ZBTB7C: variants seen among roughly 807,000 people sequenced by gnomAD.
The protein encoded by ZBTB7C is zinc finger and BTB domain containing 7C, also known as zinc finger and BTB domain-containing protein 7C.
In ZBTB7C, 8 loss-of-function variants were observed where a neutral mutation model predicts 25.7. The ratio of observed to expected loss-of-function variants is 0.31; its 90% CI spans 0.18 to 0.56. The LOEUF is 0.56. Ranked by LOEUF, ZBTB7C falls within the 20% of genes least tolerant of loss-of-function variation. ZBTB7C has a pLI of 0.91. For synonymous variants in ZBTB7C, 394 were observed against 369.0 expected (o/e 1.07, Z -0.78); for missense variants, 824 against 855.2 (o/e 0.96, Z 0.46).
intron 3 of ZBTB7C, among the ~76,000 whole-genome samples, chr18:48,059,934 G>A (rs764681249): frequency 3.3e-5 from 5 of 152,002 alleles, no homozygotes; most frequent in African/African-American, 4.8e-5. Context: ...ACCCTTCCCC[G>A]GCTTCTTCCT....
At chr18:48,120,114 A>T (rs1402357142) in intron 3 of ZBTB7C, among the ~76,000 whole-genome samples, 1 of 152,194 alleles carries the variant, frequency 6.6e-6, no homozygotes, top group Admixed American at 6.5e-5. Flanking sequence ...GACTAGCAAG[A>T]CCTTGGGCCA....
chr18:48,150,052 C>T (rs1039877920), intron 3 of ZBTB7C: 1 of 152,078 alleles, frequency 6.6e-6, no homozygotes, highest in African/African-American at 2.4e-5. Context: ...GATCCACCCG[C>T]CTCAGCCTCC....
intron 2 of ZBTB7C, among the ~76,000 whole-genome samples, chr18:48,246,280 G>A (rs374211040): frequency 2.6e-5 from 4 of 151,684 alleles, no homozygotes; most frequent in Admixed American, 1.3e-4. Context: ...AATACAAAAC[G>A]TTAGCCGGGC....
chr18:48,398,864 C>T (rs2048091161), intron 1 of ZBTB7C, among the ~76,000 whole-genome samples: 1 of 152,156 alleles, frequency 6.6e-6, no homozygotes. Flanking sequence ...TACCTTAATC[C>T]TTAAACAATT....
chr18:48,354,480 T>C (rs1487627336), intron 1 of ZBTB7C, among the ~76,000 whole-genome samples: 1 of 151,934 alleles, frequency 6.6e-6, no homozygotes, highest in Non-Finnish European at 1.5e-5. Flanking sequence ...AACAGGAAAA[T>C]AGGGAGGTAA....
chr18:48,111,317 AG>A (rs1369999555), intron 3 of ZBTB7C, among the ~76,000 whole-genome samples: 3 of 152,242 alleles, frequency 2.0e-5, no homozygotes, highest in Non-Finnish European at 4.4e-5. Flanking sequence ...TGCTTGGATT[AG>A]GGGAATGTCA....
chr18:48,200,552 G>C (rs1057259167), intron 2 of ZBTB7C, among the ~76,000 whole-genome samples: 1 of 152,190 alleles, frequency 6.6e-6, no homozygotes, highest in Non-Finnish European at 1.5e-5. Flanking sequence ...TTGCTAGCCT[G>C]TTATTGCAGT....
chr18:48,158,943 T>TGAGC (rs1280325833), intron 3 of ZBTB7C, among the ~76,000 whole-genome samples: 1 of 152,088 alleles, frequency 6.6e-6, no homozygotes, highest in Admixed American at 6.5e-5. Context: ...CCACACAGGG[T>TGAGC]GAGCTCCCCA....
chr18:48,379,588 A>G (rs955309992), intron 1 of ZBTB7C, among the ~76,000 whole-genome samples: 20 of 152,170 alleles, frequency 1.3e-4, no homozygotes, highest in African/African-American at 2.4e-5. Context: ...GTATTGAAAA[A>G]GCACAGGTTT....
At chr18:48,404,186 T>C (rs1210322243) in intron 1 of ZBTB7C, among the ~76,000 whole-genome samples, 14 of 151,870 alleles carry the variant, frequency 9.2e-5, no homozygotes, top group African/African-American at 2.9e-4. Flanking sequence ...CAGGAGGCGG[T>C]AGTTGCAGTG....
rs112513442 is a variant in ZBTB7C, at chr18:48,228,625, G to A, written c.-78-42630C>T. ...GTAGTCCTTGCCCACTGTGGTTGCCGCCCCCCTGCCTGCCCACAACCCTTC... is the reference window on the plus strand; with the variant it reads ...GTAGTCCTTGCCCACTGTGGTTGCCACCCCCCTGCCTGCCCACAACCCTTC... On this transcript the variant is annotated intron_variant, in intron 2 of 4. Coordinates refer to ENST00000590800, the MANE Select transcript of ZBTB7C (RefSeq NM_001318841.2). 9.2e-3 allele frequency among the ~76,000 whole-genome samples: 1,393 copies of A among 151,912 alleles called. 24 individuals carry two copies. Among genetic ancestry groups the A allele is most frequent in the African/African-American group, 0.032 (1,315 of 41,418 alleles).
intron 3 of ZBTB7C, among the ~76,000 whole-genome samples, chr18:48,161,810 CCTCT>C (rs1381948089): frequency 2.0e-5 from 3 of 151,706 alleles, no homozygotes. Context: ...GCCCCCGCGG[CCTCT>C]CTCTCCTCCT....
In ZBTB7C at chr18:48,172,619, C is replaced by T. The variant is rs570817789; in HGVS notation, c.-17+13315G>A. Among the ~76,000 whole-genome samples, 27 of 152,358 alleles carry T rather than the reference C, an allele frequency of 1.8e-4. No homozygotes were observed. The East Asian group carries it at 5.2e-3, about 29-fold the overall frequency. ...TTCCCAAACACTTGACTGACGTGACCCACGGGGCCACAGGGAATGGCCTTC... is the reference window on the plus strand; with the variant it reads ...TTCCCAAACACTTGACTGACGTGACTCACGGGGCCACAGGGAATGGCCTTC... On this transcript the variant is annotated intron_variant, in intron 3 of 4. Coordinates refer to ENST00000590800, the MANE Select transcript of ZBTB7C (RefSeq NM_001318841.2).
rs534554639 is a variant in ZBTB7C at position 48,405,768 on chromosome 18, C to G, written c.-304+3458G>C. Among the ~76,000 whole-genome samples the G allele has an allele frequency of 8.0e-4, 118 of 148,348 alleles. 2 individuals carry two copies. Among genetic ancestry groups the G allele is most frequent in the African/African-American group, 2.9e-3 (115 of 39,696 alleles). The stretch of plus-strand genomic sequence containing the variant: ...GGTACCCTCCCTGCAGGATGCTGCA[C>G]ACAGGCCGGGGTTCACTCCTGTACC... On this transcript the variant is annotated intron_variant, in intron 1 of 4. Coordinates refer to ENST00000590800, the MANE Select transcript of ZBTB7C (RefSeq NM_001318841.2).
chr18:48,190,657 G>A (rs2042171774), intron 2 of ZBTB7C, among the ~76,000 whole-genome samples: 1 of 152,192 alleles, frequency 6.6e-6, no homozygotes, highest in Non-Finnish European at 1.5e-5. Context: ...TGGGGACAGT[G>A]GGATTTTATG....
intron 3 of ZBTB7C, among the ~76,000 whole-genome samples, chr18:48,146,581 G>A (rs2040504449): frequency 6.6e-6 from 1 of 152,126 alleles, no homozygotes; most frequent in Admixed American, 6.5e-5. Flanking sequence ...GCATGTGACA[G>A]ACAATTCGCA....
chr18:48,096,124 T>G (rs187013139), intron 3 of ZBTB7C, among the ~76,000 whole-genome samples: 8 of 152,308 alleles, frequency 5.3e-5, no homozygotes, highest in Non-Finnish European at 7.4e-5. Context: ...GAAGTTTCCT[T>G]TAGTTCAGGC....
At chr18:48,217,211 G>A (rs1008093206) in intron 2 of ZBTB7C, among the ~76,000 whole-genome samples, 2 of 152,180 alleles carry the variant, frequency 1.3e-5, no homozygotes, top group Non-Finnish European at 2.9e-5. Flanking sequence ...AACTCAGTAT[G>A]TGTGATTTGC....
intron 2 of ZBTB7C, among the ~76,000 whole-genome samples, chr18:48,232,642 G>T (rs907167503): frequency 2.0e-5 from 3 of 151,948 alleles, no homozygotes; most frequent in Non-Finnish European, 2.9e-5. Flanking sequence ...AAATTTTGGG[G>T]TACTTAGTTT....
Sources: gnomAD v4.1 joint callset for allele counts (sites outside exome capture counted in the v4.1 genomes callset) on GRCh38, gnomAD v4.1.1 for gene constraint, MANE v1.5 for transcripts, NCBI Gene and HGNC (gene_info 2026-07-23, HGNC 2026-07-21) for gene names.